Variants in RRAGD observed in about 807,000 individuals in gnomAD.
RRAGD encodes ras-related GTP-binding protein D.
A neutral mutation model predicts 35.5 loss-of-function variants in RRAGD; 12 were observed. The ratio of observed to expected loss-of-function variants is 0.34; its 90% confidence interval spans 0.22 to 0.55. The LOEUF (loss-of-function observed/expected upper bound fraction) is 0.55. RRAGD is among the 20% of genes least tolerant of loss of function. RRAGD has a pLI of 0.91. For synonymous variants in RRAGD, 155 were observed against 178.9 expected, an observed-to-expected ratio of 0.87 and a Z score of 1.07; for missense variants, 324 against 490.1, an observed-to-expected ratio of 0.66 and a Z score of 3.20.
At chr6:89,383,753 CAAT>C (rs1769089726) in intron 2 of RRAGD, among the ~76,000 whole-genome samples, 1 of 152,040 alleles carries the variant, frequency 6.6e-6, no homozygotes, top group African/African-American at 2.4e-5. Context: ...ATTTATCCGG[CAAT>C]CCTGTGACTG....
In RRAGD at chr6:89,411,235, T is replaced by TA. The variant is rs1769685822; in HGVS notation, c.148+610_148+611insT. ...AGCAGATAAGGTGTCCTGACAACGG[T>TA]GTTTGCGTGGATCCCGGGAAATCTG... On this transcript the variant is annotated intron_variant, in intron 1 of 6. Transcript: ENST00000369415. The surrounding 1 kb of genome is among the most constrained non-coding windows in gnomAD (Gnocchi z 5.6). The TA allele has an allele frequency of 6.6e-6, 1 of 151,782 alleles. No individual in the cohort carries two copies. The highest frequency in any genetic ancestry group is 2.4e-5 in the African/African-American group (1 of 41,264). 9.4% of individuals were successfully genotyped at this position (151,782 alleles called of 1,614,324 possible). A position where few individuals can be genotyped will look rare whatever the true frequency, so the allele number is the denominator to read the frequency against.
chr6:89,401,628 TTGTTCCC>T (rs59033539), intron 1 of RRAGD, among the ~76,000 whole-genome samples: 3,734 of 151,794 alleles, frequency 0.025, 146 homozygotes, highest in African/African-American at 0.085. Flanking sequence ...TCTTCTCCAC[TTGTTCCC>T]TCTCCTCCAG....
chr6:89,404,015 C>A (rs1351291059), intron 1 of RRAGD, among the ~76,000 whole-genome samples: 29 of 152,074 alleles, frequency 1.9e-4, no homozygotes, highest in Non-Finnish European at 4.4e-5. Flanking sequence ...TGGCCTTTTG[C>A]CATTTTTCCC....
chr6:89,410,173 G>A (rs1769666464), intron 1 of RRAGD, among the ~76,000 whole-genome samples: 1 of 152,186 alleles, frequency 6.6e-6, no homozygotes, highest in Non-Finnish European at 1.5e-5. Context: ...AAGAACTGCA[G>A]AATAAACGAG....
At position 89,367,960 on chromosome 6, in the gene RRAGD, G is replaced by C; in HGVS notation, c.*96C>G. On this transcript the variant is annotated 3_prime_UTR_variant, in exon 7 of 7. Transcript: ENST00000369415. ...TTTTTTAACAACAAATCAATGGTAT[G>C]TGTCCCAATCTCCTTCTTCCTCTTC... The C allele has an allele frequency of 9.5e-7, 1 of 1,051,298 alleles. No homozygotes were observed. The highest frequency in any genetic ancestry group is 1.3e-6 in the Non-Finnish European group (1 of 753,994). 65.1% of individuals were successfully genotyped at this position (1,051,298 alleles called of 1,614,324 possible).
chr6:89,372,135 G>A (rs1768862601), intron 6 of RRAGD, among the ~76,000 whole-genome samples: 1 of 152,206 alleles, frequency 6.6e-6, no homozygotes, highest in Admixed American at 6.5e-5. Flanking sequence ...CCTGGCAACA[G>A]TGCCCCAACT....
intron 1 of RRAGD, among the ~76,000 whole-genome samples, chr6:89,391,256 G>A (rs1470359210): frequency 6.6e-6 from 1 of 152,036 alleles, no homozygotes; most frequent in African/African-American, 2.4e-5. Context: ...ATGGCAGCAT[G>A]CATCTGTAAT....
rs1338627107 is a variant in RRAGD at position 89,367,385 on chromosome 6, CA to C, written c.*670del. ...TTATAGAGATGTGTGTTGAGGTAAACAGCTTCATAAAAACCGTTGAGCAGGG... is the reference window on the plus strand; with the variant it reads ...TTATAGAGATGTGTGTTGAGGTAAACGCTTCATAAAAACCGTTGAGCAGGG... On this transcript the variant is annotated 3_prime_UTR_variant, in exon 7 of 7. Coordinates refer to ENST00000369415, the MANE Select transcript of RRAGD (RefSeq NM_021244.5). 6.6e-6 allele frequency: 1 copy of C among 152,170 alleles called. No homozygotes were observed. Among genetic ancestry groups the C allele is most frequent in the Non-Finnish European group, 1.5e-5 (1 of 68,030 alleles). 9.4% of individuals were successfully genotyped at this position (152,170 alleles called of 1,614,324 possible). A position where few individuals can be genotyped will look rare whatever the true frequency, so the allele number is the denominator to read the frequency against.
intron 1 of RRAGD, among the ~76,000 whole-genome samples, chr6:89,389,059 CCTT>C (rs1367715338): frequency 6.6e-6 from 1 of 152,162 alleles, no homozygotes; most frequent in Non-Finnish European, 1.5e-5. Context: ...CCACTGCTCA[CCTT>C]CTGCCATGCA....
chr6:89,387,245 G>A (rs750453960), intron 2 of RRAGD, 50 bp downstream of exon 2: 1 of 1,559,498 alleles, frequency 6.4e-7, no homozygotes, highest in Admixed American at 1.8e-5. Flanking sequence ...CATGGGGTGG[G>A]GTGGAGGGGA....
intron 1 of RRAGD, among the ~76,000 whole-genome samples, chr6:89,406,348 A>C (rs1324568586): frequency 6.6e-6 from 1 of 152,122 alleles, no homozygotes; most frequent in Non-Finnish European, 1.5e-5. Context: ...TTGCAAGACC[A>C]CCGTGGCCTG....
At chr6:89,399,638 G>C (rs1400617741) in intron 1 of RRAGD, among the ~76,000 whole-genome samples, 1 of 152,088 alleles carries the variant, frequency 6.6e-6, no homozygotes, top group Non-Finnish European at 1.5e-5. Flanking sequence ...TAATTAGCAA[G>C]TTGTAGTGGC....
intron 5 of RRAGD, 137 bp downstream of exon 5, chr6:89,377,534 C>A: frequency 6.9e-6 from 5 of 726,124 alleles, no homozygotes; most frequent in Non-Finnish European, 8.8e-6. Flanking sequence ...TGCATGCTAA[C>A]TGGTATATTT....
intron 2 of RRAGD, 93 bp from the exon 3 acceptor site, chr6:89,380,460 C>G: frequency 9.6e-7 from 1 of 1,042,756 alleles, no homozygotes; most frequent in Admixed American, 2.5e-5. Context: ...TGGCTGCAAC[C>G]CCCCGAAATA....
At chr6:89,370,438 T>C (rs1172993646) in intron 6 of RRAGD, among the ~76,000 whole-genome samples, 2 of 152,206 alleles carry the variant, frequency 1.3e-5, no homozygotes, top group African/African-American at 2.4e-5. Flanking sequence ...ATACCCAATA[T>C]TGATAAGAAC....
At chr6:89,405,940 C>T (rs1336336601) in intron 1 of RRAGD, among the ~76,000 whole-genome samples, 1 of 152,140 alleles carries the variant, frequency 6.6e-6, no homozygotes, top group Non-Finnish European at 1.5e-5. Flanking sequence ...CTACTACTAA[C>T]AAAAGCTATG....
chr6:89,389,041 T>C (rs1231135497), intron 1 of RRAGD, among the ~76,000 whole-genome samples: 1 of 152,148 alleles, frequency 6.6e-6, no homozygotes, highest in South Asian at 2.1e-4. Flanking sequence ...GAAACTTCGC[T>C]TGCTCCCCCA....
intron 2 of RRAGD, among the ~76,000 whole-genome samples, chr6:89,382,400 A>AAAATATAT (rs142053689): frequency 7.6e-6 from 1 of 130,892 alleles, no homozygotes; most frequent in African/African-American, 3.2e-5. Flanking sequence ...TATCTCTAGA[A>AAAATATAT]ATATATATAT....
chr6:89,392,231 T>G (rs142173074), intron 1 of RRAGD, among the ~76,000 whole-genome samples: 1 of 152,066 alleles, frequency 6.6e-6, no homozygotes, highest in Non-Finnish European at 1.5e-5. Flanking sequence ...GCCAGCACTT[T>G]GGAAGGCTGA....
Sources: allele counts gnomAD v4.1 joint callset (sites outside exome capture counted in the v4.1 genomes callset), GRCh38; gene constraint gnomAD v4.1.1; non-coding constraint Gnocchi (gnomAD v3.1); transcripts MANE v1.5; gene names NCBI Gene and HGNC (gene_info 2026-07-23, HGNC 2026-07-21).